Variants in HIVEP1 observed in about 807,000 individuals in gnomAD.
HIVEP1 encodes the protein HIVEP zinc finger 1, also known as zinc finger protein 40.
A neutral mutation model predicts 180.0 loss-of-function variants in HIVEP1; 36 were observed. That is an observed-to-expected ratio of 0.20 (90% confidence interval 0.15 to 0.26). The LOEUF (loss-of-function observed/expected upper bound fraction) is 0.26. HIVEP1 is among the 10% of genes least tolerant of loss of function. The pLI, the probability that HIVEP1 is intolerant of heterozygous loss-of-function variation, is 1.00. For missense variants in HIVEP1, 3,143 were observed against 3,268.7 expected, an observed-to-expected ratio of 0.96 and a Z score of 0.94; for synonymous variants, 1,239 against 1,239.0, an observed-to-expected ratio of 1.00 and a Z score of 0.00.
At chr6:12,039,304 A>C (rs1769508436) in intron 2 of HIVEP1, 4 of 152,184 alleles carry the variant, frequency 2.6e-5, no homozygotes, top group Admixed American at 2.6e-4. Context: ...TTCTCTCATT[A>C]AATGTTTGTC....
At chr6:12,172,886 G>C in the HIVEP1 span, among the ~76,000 whole-genome samples, 3 of 150,478 alleles carry the variant, frequency 2.0e-5, no homozygotes, top group Admixed American at 6.7e-5. Context: ...AGTCTATTTA[G>C]TATTCATAAA....
intron 7 of HIVEP1, among the ~76,000 whole-genome samples, chr6:12,137,501 A>T (rs1382025052): frequency 6.6e-6 from 1 of 152,218 alleles, no homozygotes; most frequent in Non-Finnish European, 1.5e-5. Flanking sequence ...CAAAGTTGAT[A>T]TCCTAATTCC....
rs1342963025 is a variant in HIVEP1 at position 12,125,814 on chromosome 6, C to A, written c.6019C>A (p.His2007Asn). 6.2e-7 allele frequency: 1 copy of A among 1,613,290 alleles called. No individual in the cohort carries two copies. Reference protein sequence around the residue: ...KSLYCQAITTHSKSDLLVYSS... With the variant: ...KSLYCQAITTNSKSDLLVYSS... ...ACTATACTGTCAAGCAATAACTACC[C>A]ATTCCAAGTCAGACTTATTGGTCTA... is the stretch of plus-strand genomic sequence containing the variant. Residue 2007 changes from histidine (H) to asparagine (N), a missense_variant, in exon 4 of 9, where the codon CAT (histidine) becomes AAT (asparagine). By Grantham distance (68) the His-to-Asn change is moderately conservative. Transcript: ENST00000379388.
chr6:12,148,991 C>CACGT (rs1241939554), intron 7 of HIVEP1, among the ~76,000 whole-genome samples: 3 of 152,122 alleles, frequency 2.0e-5, no homozygotes, highest in African/African-American at 7.2e-5. Flanking sequence ...CATCAGGAGC[C>CACGT]ACGTGTCTTT....
chr6:12,152,318 C>T (rs537155465), intron 7 of HIVEP1, among the ~76,000 whole-genome samples: 4 of 152,112 alleles, frequency 2.6e-5, no homozygotes, highest in African/African-American at 7.2e-5. Context: ...TTCTTGTCCT[C>T]GCAGACTTGT....
intron 2 of HIVEP1, among the ~76,000 whole-genome samples, chr6:12,023,946 G>A (rs1209666625): frequency 1.3e-5 from 2 of 152,184 alleles, no homozygotes; most frequent in Non-Finnish European, 2.9e-5. Context: ...ATTTGAGCAA[G>A]TCTGGGCTAA....
chr6:12,099,565 G>A (rs1299820596), intron 3 of HIVEP1, among the ~76,000 whole-genome samples: 2 of 152,032 alleles, frequency 1.3e-5, no homozygotes, highest in Non-Finnish European at 2.9e-5. Flanking sequence ...ACCCTTATAT[G>A]TGAAGAAAAA....
chr6:12,075,350 G>A (rs1772281399), intron 2 of HIVEP1, among the ~76,000 whole-genome samples: 1 of 152,190 alleles, frequency 6.6e-6, no homozygotes, highest in African/African-American at 2.4e-5. Flanking sequence ...ATCCTTTTCA[G>A]CTTTGGTGTG....
At chr6:12,154,621 C>T (rs1325704556) in intron 7 of HIVEP1, among the ~76,000 whole-genome samples, 1 of 151,950 alleles carries the variant, frequency 6.6e-6, no homozygotes, top group African/African-American at 2.4e-5. Context: ...AGGGGAACAT[C>T]ACACACCAGG....
At chr6:12,116,096 A>G (rs1477746623) in intron 3 of HIVEP1, among the ~76,000 whole-genome samples, 1 of 152,050 alleles carries the variant, frequency 6.6e-6, no homozygotes, top group Non-Finnish European at 1.5e-5. Context: ...TGGTCTATGC[A>G]TCCTCTTGAC....
At chr6:12,068,454 A>G (rs981950780) in intron 2 of HIVEP1, among the ~76,000 whole-genome samples, 3 of 152,182 alleles carry the variant, frequency 2.0e-5, no homozygotes, top group African/African-American at 7.2e-5. Flanking sequence ...GTAAAGAATC[A>G]TGTTTTGTAA....
intron 2 of HIVEP1, among the ~76,000 whole-genome samples, chr6:12,056,987 G>C (rs1770923340): frequency 6.6e-6 from 1 of 151,852 alleles, no homozygotes; most frequent in African/African-American, 2.4e-5. Context: ...CAGGTGTGCA[G>C]CACCACACCT....
intron 3 of HIVEP1, among the ~76,000 whole-genome samples, chr6:12,100,367 C>T (rs1414936690): frequency 6.6e-6 from 1 of 152,180 alleles, no homozygotes; most frequent in African/African-American, 2.4e-5. Flanking sequence ...TGATTTCAAC[C>T]TACCGAATGG....
At chr6:12,087,824 T>C (rs1475302048) in intron 2 of HIVEP1, among the ~76,000 whole-genome samples, 4 of 152,166 alleles carry the variant, frequency 2.6e-5, no homozygotes, top group African/African-American at 9.6e-5. Flanking sequence ...AATTGTCTTA[T>C]TCCAAAGATT....
chr6:12,009,114 T>TGGCGGTGGCGGTGGC (rs1554129187), upstream of HIVEP1, among the ~76,000 whole-genome samples: 1 of 143,820 alleles, frequency 7.0e-6, no homozygotes, highest in Non-Finnish European at 1.5e-5. Context: ...GATCTCCGCG[T>TGGCGGTGGCGGTGGC]GGCGGTGGCG....
intron 2 of HIVEP1, among the ~76,000 whole-genome samples, chr6:12,019,992 C>T (rs1319496409): frequency 6.6e-6 from 1 of 152,210 alleles, no homozygotes; most frequent in Non-Finnish European, 1.5e-5. Context: ...AAAATTAAGC[C>T]TGCATAGACT....
At chr6:12,050,370 G>C (rs1184583756) in intron 2 of HIVEP1, among the ~76,000 whole-genome samples, 2 of 152,186 alleles carry the variant, frequency 1.3e-5, no homozygotes, top group Non-Finnish European at 2.9e-5. Flanking sequence ...CGGATCATGA[G>C]GTCAGGAGAT....
chr6:12,071,632 A>G (rs780849297), intron 2 of HIVEP1, among the ~76,000 whole-genome samples: 1 of 152,244 alleles, frequency 6.6e-6, no homozygotes, highest in Non-Finnish European at 1.5e-5. Flanking sequence ...AGCTGATAAC[A>G]TACTTGCTAT....
intron 7 of HIVEP1, among the ~76,000 whole-genome samples, chr6:12,160,643 AG>A (rs527708521): frequency 6.6e-6 from 1 of 152,134 alleles, no homozygotes; most frequent in Non-Finnish European, 1.5e-5. Context: ...GAGGCAGGGG[AG>A]GGGGGCCGGT....
Sources: allele counts gnomAD v4.1 joint callset (sites outside exome capture counted in the v4.1 genomes callset), GRCh38; gene constraint gnomAD v4.1.1; transcripts MANE v1.5; gene names NCBI Gene and HGNC (gene_info 2026-07-23, HGNC 2026-07-21).